Variants in IQGAP2 observed in about 807,000 individuals in gnomAD.
IQGAP2 encodes ras GTPase-activating-like protein IQGAP2.
Under a neutral mutation model 201.3 loss-of-function variants are expected in IQGAP2, and 173 were observed. The ratio of observed to expected loss-of-function variants is 0.86; its 90% CI spans 0.76 to 0.98. IQGAP2 has a LOEUF of 0.98. Among genes scored for constraint, IQGAP2 ranks in the 50% least tolerant of loss-of-function variants. IQGAP2 has a pLI of 0.00. For missense variants in IQGAP2, 1,687 were observed against 1,864.8 expected, an observed-to-expected ratio of 0.90 and a Z score of 1.76; for synonymous variants, 675 against 673.9, an observed-to-expected ratio of 1.00 and a Z score of -0.03.
At chr5:76,479,822 T>C (rs1254185107) in intron 2 of IQGAP2, among the ~76,000 whole-genome samples, 1 of 152,188 alleles carries the variant, frequency 6.6e-6, no homozygotes, top group Non-Finnish European at 1.5e-5. Flanking sequence ...TTAAATGATA[T>C]TCAGAAGTCT....
At chr5:76,422,338 C>T (rs777324590) in intron 1 of IQGAP2, among the ~76,000 whole-genome samples, 1 of 152,150 alleles carries the variant, frequency 6.6e-6, no homozygotes, top group African/African-American at 2.4e-5. Context: ...AAGTGTGTTC[C>T]GAGGAGTCTG....
chr5:76,496,753 C>CT lies in IQGAP2; in HGVS notation c.146+35087dup, dbSNP rs376261432. ...TCTTTCTTTCTTTCTTTCTTTCTTT[C>CT]TTTCTTTCTTTCTTTCTTTCTTTCT... On this transcript the variant is annotated intron_variant, in intron 2 of 35. Transcript: ENST00000274364. 7.0e-3 allele frequency among the ~76,000 whole-genome samples: 460 copies of CT among 65,454 alleles called. 15 individuals carry two copies. The highest frequency in any genetic ancestry group is 0.02 in the African/African-American group (218 of 10,702). The allele number at this position is 65,454 out of a possible 152,430, so 42.9% of individuals were successfully genotyped here.
chr5:76,410,328 G>A (rs1030814568), intron 1 of IQGAP2, among the ~76,000 whole-genome samples: 2 of 152,150 alleles, frequency 1.3e-5, no homozygotes, highest in African/African-American at 4.8e-5. Context: ...GGCAATAAAG[G>A]ACAATTGGAG....
chr5:76,590,990 G>T (rs186779716), intron 8 of IQGAP2, among the ~76,000 whole-genome samples: 1 of 152,090 alleles, frequency 6.6e-6, no homozygotes, highest in Non-Finnish European at 1.5e-5. Flanking sequence ...CCAACTACTC[G>T]GGAGGCTGAG....
At chr5:76,650,639 A>G (rs1011455741) in intron 17 of IQGAP2, among the ~76,000 whole-genome samples, 22 of 152,186 alleles carry the variant, frequency 1.4e-4, no homozygotes, top group African/African-American at 4.8e-4. Context: ...TTTTATATAT[A>G]TACTTTAAGT....
At chr5:76,645,245 G>A (rs2194254) in intron 17 of IQGAP2, among the ~76,000 whole-genome samples, 94,030 of 151,590 alleles carry the variant, frequency 0.62, 29,310 homozygotes, top group South Asian at 0.78. Flanking sequence ...TATCCAGTCT[G>A]TCATTGATGG....
intron 2 of IQGAP2, among the ~76,000 whole-genome samples, chr5:76,501,349 T>G (rs993590897): frequency 4.6e-5 from 7 of 152,256 alleles, no homozygotes; most frequent in African/African-American, 1.7e-4. Flanking sequence ...GGGCATCACT[T>G]GAGCTCAGAA....
intron 5 of IQGAP2, among the ~76,000 whole-genome samples, chr5:76,581,418 G>T (rs1044571687): frequency 6.6e-6 from 1 of 152,222 alleles, no homozygotes; most frequent in Non-Finnish European, 1.5e-5. Context: ...GGGATATCTG[G>T]AGATGGCAGT....
Position 76,683,958 on chromosome 5 carries a change from A to G in IQGAP2, c.3905+41A>G, listed in dbSNP as rs547996633. 80 of 1,533,172 alleles carry G rather than the reference A, an allele frequency of 5.2e-5. 2 individuals are homozygous for G. The South Asian group carries it at 1.0e-3, about 19-fold the overall frequency. 95.0% of individuals were successfully genotyped at this position (1,533,172 alleles called of 1,614,324 possible). On this transcript the variant is annotated intron_variant, in intron 30 of 35. Transcript: ENST00000274364. ...AAAGGGCACATGTCTCCAAATACAC[A>G]TCTTAAATGATGCAAATTCAAATGA...
Position 76,403,609 on chromosome 5 carries a change from G to C in IQGAP2, c.46+18G>C. 6.6e-7 allele frequency: 1 copy of C among 1,523,002 alleles called. No individual in the cohort carries two copies. The highest frequency in any genetic ancestry group is 8.8e-7 in the Non-Finnish European group (1 of 1,138,018). 94.3% of individuals were successfully genotyped at this position (1,523,002 alleles called of 1,614,324 possible). On this transcript the variant is annotated intron_variant, in intron 1 of 35. Coordinates refer to ENST00000274364, the MANE Select transcript of IQGAP2 (RefSeq NM_006633.5). The surrounding 1 kb of genome is among the most constrained non-coding windows in gnomAD (Gnocchi z 4.8). ...CTATGGCTGTAAGTGCGCCGGGCGC[G>C]CGGGGTTCCTGCTGGCCTTGGGGAG...
At chr5:76,612,978 T>C (rs535970350) in intron 13 of IQGAP2, among the ~76,000 whole-genome samples, 4 of 152,318 alleles carry the variant, frequency 2.6e-5, no homozygotes, top group African/African-American at 9.6e-5. Context: ...CACTGCCTCA[T>C]TGAAGGTGGA....
intron 21 of IQGAP2, among the ~76,000 whole-genome samples, chr5:76,663,318 G>C (rs1398031627): frequency 6.6e-6 from 1 of 152,208 alleles, no homozygotes; most frequent in Non-Finnish European, 1.5e-5. Context: ...CAGCATTCCT[G>C]ATGTGCAAAT....
Position 76,413,156 on chromosome 5 carries a change from C to CTTTTTTTTTTTTTTTTTTT in IQGAP2, c.46+9577_46+9595dup, listed in dbSNP as rs567410789. Reference sequence around the variant, plus strand: ...TATTTTCTTTTTTCTTTTCTTTTCTCTTTTTTTTTTTTTTTTTTTTTTTTT... The same window carrying CTTTTTTTTTTTTTTTTTTT: ...TATTTTCTTTTTTCTTTTCTTTTCTCTTTTTTTTTTTTTTTTTTTTTTTTTTTTTTTTTTTTTTTTTTTT... On this transcript the variant is annotated intron_variant, in intron 1 of 35. Transcript: ENST00000274364. Among the ~76,000 whole-genome samples the CTTTTTTTTTTTTTTTTTTT allele has an allele frequency of 1.2e-3, 104 of 83,722 alleles. 3 individuals are homozygous for CTTTTTTTTTTTTTTTTTTT. Among genetic ancestry groups the CTTTTTTTTTTTTTTTTTTT allele is most frequent in the Non-Finnish European group, 1.9e-3 (87 of 46,222 alleles). The allele number at this position is 83,722 out of a possible 152,430, so 54.9% of individuals were successfully genotyped here. A position where few individuals can be genotyped will look rare whatever the true frequency, so the allele number is the denominator to read the frequency against.
rs115374806 is a variant in IQGAP2 at position 76,489,342 on chromosome 5, C to T, written c.146+27673C>T. ...CTGACACCTTTGTTTTCTGTCACTT[C>T]TCAGGCCAAGAAGTAACTTTTTTTA... On this transcript the variant is annotated intron_variant, in intron 2 of 35. Transcript: ENST00000274364. Among the ~76,000 whole-genome samples, 834 of 152,304 alleles carry T rather than the reference C, an allele frequency of 5.5e-3. 9 individuals carry two copies. Among genetic ancestry groups the T allele is most frequent in the African/African-American group, 0.019 (798 of 41,570 alleles).
At chr5:76,535,780 G>A (rs991258214) in intron 2 of IQGAP2, among the ~76,000 whole-genome samples, 1 of 152,216 alleles carries the variant, frequency 6.6e-6, no homozygotes, top group Non-Finnish European at 1.5e-5. Flanking sequence ...CCTACCGGCA[G>A]TGCGCCCAGA....
intron 28 of IQGAP2, among the ~76,000 whole-genome samples, chr5:76,678,074 C>G (rs1311157900): frequency 6.6e-6 from 1 of 152,196 alleles, no homozygotes; most frequent in Non-Finnish European, 1.5e-5. Flanking sequence ...CTTCCAGGAA[C>G]CCTCTCAGCT....
intron 19 of IQGAP2, among the ~76,000 whole-genome samples, chr5:76,654,692 C>T (rs547216178): frequency 6.6e-6 from 1 of 152,268 alleles, no homozygotes; most frequent in South Asian, 2.1e-4. Context: ...AAATTATTTT[C>T]CCTTTTTAGA....
chr5:76,520,756 T>C (rs1758627159), intron 2 of IQGAP2, among the ~76,000 whole-genome samples: 1 of 137,378 alleles, frequency 7.3e-6, no homozygotes, highest in African/African-American at 2.8e-5. Flanking sequence ...CAGGCTGGAG[T>C]GCAGTGAGTG....
chr5:76,600,687 T>G lies in IQGAP2; in HGVS notation c.1072-125T>G, dbSNP rs537331562. The G allele has an allele frequency of 5.9e-3, 6,818 of 1,152,152 alleles. 39 individuals are homozygous for G. The highest frequency in any genetic ancestry group is 7.4e-3 in the Non-Finnish European group (5,989 of 806,238). 71.4% of individuals were successfully genotyped at this position (1,152,152 alleles called of 1,614,324 possible). A position where few individuals can be genotyped will look rare whatever the true frequency, so the allele number is the denominator to read the frequency against. The stretch of plus-strand genomic sequence containing the variant: ...GTGGAAAGCAGGTGGCCACGACTCC[T>G]CTTTCTGCTGAGCTATCAAGTTCTT... On this transcript the variant is annotated intron_variant, in intron 10 of 35. Transcript: ENST00000274364.
Sources: gnomAD v4.1 joint callset for allele counts (sites outside exome capture counted in the v4.1 genomes callset) on GRCh38, gnomAD v4.1.1 for gene constraint, Gnocchi (gnomAD v3.1) non-coding constraint, MANE v1.5 for transcripts, NCBI Gene and HGNC (gene_info 2026-07-23, HGNC 2026-07-21) for gene names.